Variants in TRIM3 observed in about 807,000 individuals in gnomAD.
TRIM3 encodes the protein tripartite motif containing 3.
A neutral mutation model predicts 66.6 loss-of-function variants in TRIM3; 13 were observed. The ratio of observed to expected loss-of-function variants is 0.20; its 90% CI spans 0.13 to 0.31. The LOEUF is 0.31. Ranked by LOEUF, TRIM3 falls within the 10% of genes least tolerant of loss-of-function variation. TRIM3 has a pLI of 1.00. For missense variants in TRIM3, 711 were observed against 1,020.4 expected, an observed-to-expected ratio of 0.70 and a Z score of 4.13; for synonymous variants, 406 against 411.7, an observed-to-expected ratio of 0.99 and a Z score of 0.17.
intron 8 of TRIM3, 87 bp from the exon 9 acceptor site, chr11:6,451,147 G>A: frequency 2.5e-6 from 4 of 1,591,276 alleles, no homozygotes; most frequent in Non-Finnish European, 3.4e-6. Flanking sequence ...ATCTTGGGCT[G>A]GGGAAAGAAC....
At chr11:6,467,979 G>A (rs947133555) in intron 1 of TRIM3, among the ~76,000 whole-genome samples, 1 of 152,130 alleles carries the variant, frequency 6.6e-6, no homozygotes, top group African/African-American at 2.4e-5. Context: ...CAAAAAGCTG[G>A]ACTGATTTGA....
Position 6,448,975 on chromosome 11 carries a change from T to C in TRIM3, c.*53A>G. ...CCCACCTCCCAGCCAGACCCTCTTGTCCAATCACCCCAATGTCTGTCCCTC... is the reference window on the plus strand; with the variant it reads ...CCCACCTCCCAGCCAGACCCTCTTGCCCAATCACCCCAATGTCTGTCCCTC... On this transcript the variant is annotated 3_prime_UTR_variant, in exon 12 of 12. Coordinates refer to ENST00000345851, the MANE Select transcript of TRIM3 (RefSeq NM_033278.4). 1 of 1,602,690 alleles carries C rather than the reference T, an allele frequency of 6.2e-7. No homozygotes were observed. Among genetic ancestry groups the C allele is most frequent in the Admixed American group, 1.7e-5 (1 of 59,828 alleles).
rs1327186594 is a variant in TRIM3, at chr11:6,457,699, C to T, written c.512G>A (p.Gly171Asp). 1 of 1,611,688 alleles carries T rather than the reference C, an allele frequency of 6.2e-7. No individual in the cohort carries two copies. The highest frequency in any genetic ancestry group is 1.1e-5 in the South Asian group (1 of 90,954). The change falls in exon 4 of 12, where the codon GGC (glycine) becomes GAC (aspartate). Residue 171 changes from glycine to aspartate, a missense_variant. Coordinates refer to ENST00000345851, the MANE Select transcript of TRIM3 (RefSeq NM_033278.4). This position sits in a 1 kb window ranked among gnomAD's most constrained non-coding sequence, Gnocchi z 4.5. ...ALQRQLEAVR[G>D]RLPQLSAAIA... ...CAGGACCCTGCCCAGTGCCTACCGG[C>T]CACGCACAGCCTCGAGCTGGCGCTG...
chr11:6,458,249 G>A lies in TRIM3; in HGVS notation c.179C>T (p.Pro60Leu). 6.2e-7 allele frequency: 1 copy of A among 1,614,204 alleles called. No homozygotes were observed. The highest frequency in any genetic ancestry group is 8.5e-7 in the Non-Finnish European group (1 of 1,180,042). ...IPAQSLTLSC[P>L]VCRQTSILPE... ...GAGGATGGACGTCTGCCGGCATACT[G>A]GACAGGATAGCGTCAGGCTCTGGGC... is the stretch of plus-strand genomic sequence containing the variant. Residue 60 changes from proline to leucine, a missense_variant, in exon 3 of 12, where the codon CCA (proline) becomes CTA (leucine). Around this residue, in one of 3 missense-constraint regions of TRIM3, gnomAD observed 149 missense variants for 240.3 expected, o/e 0.62. Transcript: ENST00000345851. The surrounding 1 kb of genome is among the most constrained non-coding windows in gnomAD (Gnocchi z 6.2).
At chr11:6,469,972 G>A (rs924082443) in intron 1 of TRIM3, among the ~76,000 whole-genome samples, 2 of 152,208 alleles carry the variant, frequency 1.3e-5, no homozygotes, top group African/African-American at 4.8e-5. Context: ...GGAGGGCTAA[G>A]AAACAAGATG....
Position 6,461,268 on chromosome 11 carries a change from C to T in TRIM3, c.132-2972G>A, listed in dbSNP as rs537289173. On this transcript the variant is annotated intron_variant, in intron 2 of 11. Transcript: ENST00000345851. ...CTCTCAAGTAGAGTGGTTTCTGTCT[C>T]ATACTCCACACTCCTTAGGGCCAGA... Among the ~76,000 whole-genome samples, 13 of 152,054 alleles carry T rather than the reference C, an allele frequency of 8.5e-5. No homozygotes were observed. The South Asian group carries it at 2.7e-3, about 32-fold the overall frequency.
At chr11:6,470,946 AG>A (rs1220556711) in intron 1 of TRIM3, among the ~76,000 whole-genome samples, 3 of 152,208 alleles carry the variant, frequency 2.0e-5, no homozygotes, top group Non-Finnish European at 2.9e-5. Context: ...AATGCTGCAG[AG>A]GTCCCATTAT....
intron 2 of TRIM3, among the ~76,000 whole-genome samples, chr11:6,463,712 T>C (rs905791579): frequency 2.6e-5 from 4 of 152,172 alleles, no homozygotes; most frequent in African/African-American, 4.8e-5. Context: ...GAGTGGAACG[T>C]TGGCGTTTAT....
intron 7 of TRIM3, chr11:6,452,406 G>A (rs1305747587): frequency 6.6e-6 from 1 of 152,154 alleles, no homozygotes; most frequent in Non-Finnish European, 1.5e-5. Context: ...TAGGCTCTGG[G>A]GACACAAGAT....
At chr11:6,470,278 T>C (rs184925803) in intron 1 of TRIM3, among the ~76,000 whole-genome samples, 1 of 152,310 alleles carries the variant, frequency 6.6e-6, no homozygotes, top group East Asian at 1.9e-4. Context: ...GGTGGCTGGG[T>C]ATTTACATGT....
chr11:6,453,579 A>T (rs888084658), intron 7 of TRIM3, among the ~76,000 whole-genome samples: 1 of 152,366 alleles, frequency 6.6e-6, no homozygotes, highest in African/African-American at 2.4e-5. Flanking sequence ...AAAGTACTAT[A>T]GCAAAAGGCT....
chr11:6,457,697 G>A lies in TRIM3; in HGVS notation c.514C>T (p.Arg172Ter), dbSNP rs781472169. The A allele has an allele frequency of 1.2e-6, 2 of 1,610,364 alleles. No homozygotes were observed. The highest frequency in any genetic ancestry group is 8.5e-7 in the Non-Finnish European group (1 of 1,177,764). Residue 172 changes from arginine to a stop codon, truncating the protein, a stop_gained and splice_region_variant, in exon 4 of 12, where the codon CGA becomes TGA. Transcript: ENST00000345851. LOFTEE classifies it high-confidence loss of function. This position sits in a 1 kb window ranked among gnomAD's most constrained non-coding sequence, Gnocchi z 4.5. The part of the protein sequence containing the change: ...LQRQLEAVRG[R>*]LPQLSAAIAL... ...CCCAGGACCCTGCCCAGTGCCTACC[G>A]GCCACGCACAGCCTCGAGCTGGCGC...
chr11:6,459,727 T>G (rs954279667), intron 2 of TRIM3, among the ~76,000 whole-genome samples: 9 of 151,734 alleles, frequency 5.9e-5, no homozygotes, highest in Non-Finnish European at 7.4e-5. Flanking sequence ...AGGTGGGAGG[T>G]GTTGTCTGAT....
intron 2 of TRIM3, among the ~76,000 whole-genome samples, chr11:6,461,771 GTC>G (rs1379165245): frequency 3.3e-5 from 5 of 151,980 alleles, no homozygotes; most frequent in African/African-American, 9.7e-5. Context: ...TTCCTAACTG[GTC>G]TCTGTTTCCA....
chr11:6,457,021 T>A lies in TRIM3; in HGVS notation c.705A>T (p.Gln235His). The change falls in exon 6 of 12, where the codon CAA becomes CAT. Residue 235 changes from glutamine (Q) to histidine (H), a missense_variant. By Grantham distance (24) the Gln-to-His change is conservative. Around this residue, in one of 3 missense-constraint regions of TRIM3, gnomAD observed 399 missense variants for 458.1 expected, o/e 0.87. Coordinates refer to ENST00000345851, the MANE Select transcript of TRIM3 (RefSeq NM_033278.4). This position sits in a 1 kb window ranked among gnomAD's most constrained non-coding sequence, Gnocchi z 4.5. ...CCTGGCGCAGTGTGTCCAGCTGGCTTTGCAACACCTGATGAGGGGTAGGGG... is the reference window on the plus strand; with the variant it reads ...CCTGGCGCAGTGTGTCCAGCTGGCTATGCAACACCTGATGAGGGGTAGGGG... ...TICGAKQKVLQSQLDTLRQGQ... is the reference protein window; with the variant it reads ...TICGAKQKVLHSQLDTLRQGQ... 6.3e-7 allele frequency: 1 copy of A among 1,587,084 alleles called. No homozygotes were observed. Among genetic ancestry groups the A allele is most frequent in the Non-Finnish European group, 8.6e-7 (1 of 1,165,822 alleles).
At chr11:6,459,738 T>C (rs1307075741) in intron 2 of TRIM3, among the ~76,000 whole-genome samples, 1 of 152,180 alleles carries the variant, frequency 6.6e-6, no homozygotes, top group African/African-American at 2.4e-5. Flanking sequence ...GTTGTCTGAT[T>C]AGATATGGGG....
Position 6,450,464 on chromosome 11 carries a change from G to T in TRIM3, c.1941+87C>A. On this transcript the variant is annotated intron_variant, in intron 10 of 11. Coordinates refer to ENST00000345851, the MANE Select transcript of TRIM3 (RefSeq NM_033278.4). This position sits in a 1 kb window ranked among gnomAD's most constrained non-coding sequence, Gnocchi z 4.8. ...TGTTTGAGTGAATGATCTCAAAGGG[G>T]AAAAGGAGGAGGTAAAATAGAGAGG... 8.5e-7 allele frequency: 1 copy of T among 1,179,382 alleles called. No individual in the cohort carries two copies. Among genetic ancestry groups the T allele is most frequent in the Non-Finnish European group, 1.3e-6 (1 of 786,656 alleles). 73.1% of individuals were successfully genotyped at this position (1,179,382 alleles called of 1,614,324 possible). A position where few individuals can be genotyped will look rare whatever the true frequency, so the allele number is the denominator to read the frequency against.
Position 6,456,834 on chromosome 11 carries a change from G to C in TRIM3, c.892C>G (p.Leu298Val). ...ERPHENAQLE[L>V]VLEVDGLRRS... Reference sequence around the variant, plus strand: ...CGCAGACCGTCCACCTCAAGGACCAGTTCCAGCTGTGCATTCTCATGTGGC... The same window carrying C: ...CGCAGACCGTCCACCTCAAGGACCACTTCCAGCTGTGCATTCTCATGTGGC... Residue 298 changes from leucine to valine, a missense_variant, in exon 6 of 12, where the codon CTG becomes GTG. By Grantham distance (32) the Leu-to-Val change is conservative. Transcript: ENST00000345851. The surrounding 1 kb of genome is among the most constrained non-coding windows in gnomAD (Gnocchi z 6.4). The C allele has an allele frequency of 6.2e-7, 1 of 1,613,112 alleles. No homozygotes were observed. Among genetic ancestry groups the C allele is most frequent in the Non-Finnish European group, 8.5e-7 (1 of 1,179,974 alleles).
Position 6,459,324 on chromosome 11 carries a change from T to C in TRIM3, c.132-1028A>G, listed in dbSNP as rs572284608. ...AGCTTAGAAGTTATCCTGCCAGCAATAGGAAGCTGCAAGAGAGTGGTATAG... is the reference window on the plus strand; with the variant it reads ...AGCTTAGAAGTTATCCTGCCAGCAACAGGAAGCTGCAAGAGAGTGGTATAG... On this transcript the variant is annotated intron_variant, in intron 2 of 11. Transcript: ENST00000345851. Among the ~76,000 whole-genome samples, 16 of 152,262 alleles carry C rather than the reference T, an allele frequency of 1.1e-4. No homozygotes were observed. In the East Asian group the frequency reaches 2.1e-3, roughly 20 times the overall value.
Sources: allele counts gnomAD v4.1 joint callset (sites outside exome capture counted in the v4.1 genomes callset), GRCh38; gene constraint gnomAD v4.1.1; regional missense constraint gnomAD v4.1.1; non-coding constraint Gnocchi (gnomAD v3.1); transcripts MANE v1.5; gene names NCBI Gene and HGNC (gene_info 2026-07-23, HGNC 2026-07-21).